The following KCTD2 variants were observed in gnomAD, a reference collection of about 807,000 sequenced individuals.
KCTD2 encodes the protein potassium channel tetramerization domain containing 2, also known as BTB/POZ domain-containing protein KCTD2.
KCTD2 carries 18 observed loss-of-function variants against 27.9 expected under a neutral mutation model. The observed-to-expected ratio is 0.64, with a 90% CI of 0.45 to 0.96. KCTD2 has a LOEUF of 0.96. KCTD2 is among the 40% of genes least tolerant of loss of function. The pLI is 0.00. For missense variants in KCTD2, 280 were observed against 348.0 expected, an observed-to-expected ratio of 0.80 and a Z score of 1.56; for synonymous variants, 175 against 148.4, an observed-to-expected ratio of 1.18 and a Z score of -1.30.
rs1236169988 is a variant in KCTD2, at chr17:75,063,664, G to T, written c.*617G>T. ...GGGGTGTCCTTTGTTGTGGTTGGAG[G>T]TTGGTGATCATTGCTCTGGATTTGG... On this transcript the variant is annotated 3_prime_UTR_variant, in exon 6 of 6. Transcript: ENST00000322444. The T allele has an allele frequency of 6.5e-6, 1 of 152,742 alleles. No homozygotes were observed. Among genetic ancestry groups the T allele is most frequent in the Non-Finnish European group, 1.5e-5 (1 of 68,418 alleles). 9.5% of individuals were successfully genotyped at this position (152,742 alleles called of 1,614,324 possible).
chr17:75,042,784 T>C, upstream of KCTD2: 1 of 1,013,642 alleles, frequency 9.9e-7, no homozygotes, highest in East Asian at 2.5e-5. Context: ...CATGCAAGTC[T>C]TCACAAGAAT....
rs2073422064 is a variant in KCTD2, at chr17:75,063,167, C to T, written c.*120C>T. The T allele has an allele frequency of 1.0e-6, 1 of 967,324 alleles. No homozygotes were observed. Among genetic ancestry groups the T allele is most frequent in the African/African-American group, 1.6e-5 (1 of 61,992 alleles). The allele number at this position is 967,324 out of a possible 1,614,324, so 59.9% of individuals were successfully genotyped here. On this transcript the variant is annotated 3_prime_UTR_variant, in exon 6 of 6. Transcript: ENST00000322444. ...GCAAAGCACAGCTGATCCTGGCCCC[C>T]TGTGAAGAAGTGTTCTGGTCAAAAC...
intron 2 of KCTD2, among the ~76,000 whole-genome samples, chr17:75,034,676 A>T (rs1180012756): frequency 6.6e-6 from 1 of 152,156 alleles, no homozygotes; most frequent in African/African-American, 2.4e-5. Context: ...CCATGCGGTG[A>T]CGACGCGCGG....
chr17:75,035,795 T>C (rs1480494372), intron 3 of KCTD2, among the ~76,000 whole-genome samples: 1 of 152,082 alleles, frequency 6.6e-6, no homozygotes, highest in East Asian at 1.9e-4. Flanking sequence ...ATCGCGCCAC[T>C]GCACTCCAGC....
At chr17:75,049,158 C>T (rs1448440032) in intron 1 of KCTD2, 62 bp from the exon 2 acceptor site, 2 of 980,452 alleles carry the variant, frequency 2.0e-6, no homozygotes, top group East Asian at 2.5e-5. Context: ...GAAATCCTGC[C>T]CTGCCTTTGT....
chr17:75,053,358 G>A (rs2073311460), intron 3 of KCTD2, among the ~76,000 whole-genome samples: 1 of 152,146 alleles, frequency 6.6e-6, no homozygotes, highest in Non-Finnish European at 1.5e-5. Context: ...AGGCGCCCAG[G>A]GCACTTTAGG....
At chr17:75,039,149 G>A in intron 3 of KCTD2, 9 of 1,611,824 alleles carry the variant, frequency 5.6e-6, no homozygotes, top group South Asian at 1.1e-5. Flanking sequence ...CCAGGTGAAA[G>A]ATGTGTGGTC....
At chr17:75,033,647 T>A (rs939508643) in intron 1 of KCTD2, among the ~76,000 whole-genome samples, 4 of 152,212 alleles carry the variant, frequency 2.6e-5, no homozygotes, top group Non-Finnish European at 5.9e-5. Flanking sequence ...TCATACCCCA[T>A]GGTCCGGGTG....
At chr17:75,062,743 C>CACACACACACACACACACACAG (rs1325191013) in intron 5 of KCTD2, among the ~76,000 whole-genome samples, 63 of 146,058 alleles carry the variant, frequency 4.3e-4, no homozygotes, top group Admixed American at 3.1e-3. Flanking sequence ...CACACACACA[C>CACACACACACACACACACACAG]AGCTTCTAAA....
intron 3 of KCTD2, among the ~76,000 whole-genome samples, chr17:75,058,314 G>A (rs1465365756): frequency 2.0e-5 from 3 of 148,550 alleles, no homozygotes; most frequent in African/African-American, 5.0e-5. Context: ...GCGACAGAGC[G>A]AGACTCTCTC....
chr17:75,039,101 G>C (rs747024163), intron 3 of KCTD2: 4 of 1,612,746 alleles, frequency 2.5e-6, no homozygotes, highest in Admixed American at 1.7e-5. Context: ...AATGTAAACA[G>C]AGACGGAAAG....
chr17:75,034,060 G>C (rs2040090554), exon 2 of KCTD2: 1 of 152,202 alleles, frequency 6.6e-6, no homozygotes, highest in Non-Finnish European at 1.5e-5. Flanking sequence ...TTGGTCTCTA[G>C]TTCGACTCCC....
Position 75,049,271 on chromosome 17 carries a change from A to G in KCTD2, c.391A>G (p.Ile131Val), listed in dbSNP as rs975605881. ...CAGGGACCCCACCTACTTTGGTCCT[A>G]TCCTCAACTACCTCCGCCACGGGAA... ...IDRDPTYFGP[I>V]LNYLRHGKLI... The change falls in exon 2 of 6, where the codon ATC becomes GTC. Residue 131 changes from isoleucine to valine, a missense_variant. Physicochemically the swap from Ile to Val is conservative, Grantham distance 29. Coordinates refer to ENST00000322444, the MANE Select transcript of KCTD2 (RefSeq NM_015353.3). 4 of 1,614,052 alleles carry G rather than the reference A, an allele frequency of 2.5e-6. No homozygotes were observed. The highest frequency in any genetic ancestry group is 2.2e-5 in the South Asian group (2 of 91,082).
rs765254692 is a variant in KCTD2, at chr17:75,063,091, A to G, written c.*44A>G. On this transcript the variant is annotated 3_prime_UTR_variant, in exon 6 of 6. Coordinates refer to ENST00000322444, the MANE Select transcript of KCTD2 (RefSeq NM_015353.3). The stretch of plus-strand genomic sequence containing the variant: ...CCAGACCTTCAGGAGAGCAGTCAGC[A>G]GAGCCCCTCTGTGAAGTGAAACCTC... The G allele has an allele frequency of 3.4e-5, 54 of 1,590,616 alleles. No individual in the cohort carries two copies. The highest frequency in any genetic ancestry group is 4.4e-5 in the Non-Finnish European group (51 of 1,159,462).
intron 3 of KCTD2, 22 bp from the exon 4 acceptor site, chr17:75,059,488 A>G (rs1376598937): frequency 6.3e-7 from 1 of 1,583,938 alleles, no homozygotes; most frequent in South Asian, 1.1e-5. Flanking sequence ...TGCTGTTCTC[A>G]GTCTGCGCCT....
chr17:75,043,623 A>C (rs183053657), upstream of KCTD2, among the ~76,000 whole-genome samples: 325 of 152,066 alleles, frequency 2.1e-3, 6 homozygotes, highest in African/African-American at 7.2e-3. Flanking sequence ...AAAAAAAAAA[A>C]AAAAACAAAC....
At chr17:75,048,480 C>T (rs2073251537) in intron 1 of KCTD2, among the ~76,000 whole-genome samples, 1 of 152,194 alleles carries the variant, frequency 6.6e-6, no homozygotes, top group Admixed American at 6.5e-5. Context: ...TATTCCTCTT[C>T]TCTAAGAAAT....
chr17:75,034,221 G>C (rs1024875407), intron 2 of KCTD2: 1 of 152,188 alleles, frequency 6.6e-6, no homozygotes, highest in Non-Finnish European at 1.5e-5. Context: ...TTGCCCAAAG[G>C]GTTCCCAGGA....
rs1229834698 is a variant in KCTD2, at chr17:75,032,993, G to A, written c.-470+269G>A. 1 of 152,260 alleles carries A rather than the reference G, an allele frequency of 6.6e-6. No homozygotes were observed. Among genetic ancestry groups the A allele is most frequent in the Non-Finnish European group, 1.5e-5 (1 of 68,060 alleles). The allele number at this position is 152,260 out of a possible 1,614,324, so 9.4% of individuals were successfully genotyped here. A position where few individuals can be genotyped will look rare whatever the true frequency, so the allele number is the denominator to read the frequency against. On this transcript the variant is annotated intron_variant, in intron 1 of 7. Coordinates refer to the KCTD2 transcript ENST00000581589. This position sits in a 1 kb window ranked among gnomAD's most constrained non-coding sequence, Gnocchi z 4.8. The stretch of plus-strand genomic sequence containing the variant: ...GAGAAACAGAAAAGAATGTCCCCAA[G>A]TCTCCTTTGCCCTGCGATGCTGGGG...
Sources: allele counts gnomAD v4.1 joint callset (sites outside exome capture counted in the v4.1 genomes callset), GRCh38; gene constraint gnomAD v4.1.1; non-coding constraint Gnocchi (gnomAD v3.1); transcripts MANE v1.5; gene names NCBI Gene and HGNC (gene_info 2026-07-23, HGNC 2026-07-21).